The following ANK2 variants were observed in gnomAD, a reference collection of about 807,000 sequenced individuals.
ANK2 encodes the protein ankyrin 2.
ANK2 carries 83 observed loss-of-function variants against 360.5 expected under a neutral mutation model. The ratio of observed to expected loss-of-function variants is 0.23; its 90% CI spans 0.19 to 0.28. The LOEUF is 0.28. Among genes scored for constraint, ANK2 ranks in the 10% least tolerant of loss-of-function variants. ANK2 has a pLI of 1.00. For missense variants in ANK2, 4,201 were observed against 4,795.7 expected (o/e 0.88, Z 3.66); for synonymous variants, 1,740 against 1,759.5 (o/e 0.99, Z 0.28).
At chr4:113,250,752 A>ACCG (rs1554339796) in intron 10 of ANK2, among the ~76,000 whole-genome samples, 2 of 47,314 alleles carry the variant, frequency 4.2e-5, no homozygotes, top group African/African-American at 5.8e-5. Context: ...ACCTCATACC[A>ACCG]CCGCCCCCCC....
rs762658824 is a variant in ANK2, at chr4:113,317,712, G to A, written c.2699G>A (p.Arg900Gln). The change falls in exon 25 of 46, where the codon CGA (arginine) becomes CAA (glutamine). Residue 900 changes from arginine to glutamine, a missense_variant. Physicochemically the swap from Arg to Gln is conservative, Grantham distance 43. Coordinates refer to ENST00000357077, the MANE Select transcript of ANK2 (RefSeq NM_001148.6). The stretch of plus-strand genomic sequence containing the variant: ...GCCTCCTGCCAACCTACCAGCCTTC[G>A]ATCCTTCAGTTCCGACAGGTCTCAC... Reference protein sequence around the residue: ...SLEGGRSDSLRSFSSDRSHTL... With the variant: ...SLEGGRSDSLQSFSSDRSHTL... 6 of 1,613,664 alleles carry A rather than the reference G, an allele frequency of 3.7e-6. No individual in the cohort carries two copies. Among genetic ancestry groups the A allele is most frequent in the South Asian group, 3.3e-5 (3 of 91,066 alleles).
chr4:112,989,862 T>C lies in ANK2; in HGVS notation c.21+85348T>C, dbSNP rs116814160. ...ATATTTTTTGACTTTGGACAGTTCA[T>C]GACGGTATCCTTCCAAGATTAAATT... On this transcript the variant is annotated intron_variant, in intron 2 of 30. Transcript: ENST00000503271. Among the ~76,000 whole-genome samples the C allele has an allele frequency of 8.9e-3, 1,359 of 152,362 alleles. 21 individuals are homozygous for C. Among genetic ancestry groups the C allele is most frequent in the African/African-American group, 0.031 (1,295 of 41,582 alleles).
intron 2 of ANK2, among the ~76,000 whole-genome samples, chr4:112,935,716 C>T (rs2093666158): frequency 6.6e-6 from 1 of 152,002 alleles, no homozygotes; most frequent in Non-Finnish European, 1.5e-5. Flanking sequence ...GTGGCGCACA[C>T]CTGTATTCAC....
intron 1 of ANK2, among the ~76,000 whole-genome samples, chr4:113,105,636 C>A (rs755027061): frequency 4.6e-5 from 7 of 152,126 alleles, no homozygotes; most frequent in Non-Finnish European, 8.8e-5. Flanking sequence ...CATGAAGGTT[C>A]ATTTGTGAAA....
chr4:113,135,978 T>C (rs574305017), intron 1 of ANK2, among the ~76,000 whole-genome samples: 1 of 152,232 alleles, frequency 6.6e-6, no homozygotes, highest in Non-Finnish European at 1.5e-5. Context: ...TATGCATTTG[T>C]CTCTTTTTAT....
rs545778849 is a variant in ANK2, at chr4:113,341,015, C to G, written c.3894-673C>G. Among the ~76,000 whole-genome samples, 12 of 152,276 alleles carry G rather than the reference C, an allele frequency of 7.9e-5. No individual in the cohort carries two copies. In the South Asian group the frequency reaches 2.5e-3, roughly 32 times the overall value. ...TAAAGAGTGTCATAAGATTTAGTAA[C>G]GTTACCATAGTGAACAAAAAATTGC... On this transcript the variant is annotated intron_variant, in intron 32 of 45. Coordinates refer to ENST00000357077, the MANE Select transcript of ANK2 (RefSeq NM_001148.6).
intron 1 of ANK2, among the ~76,000 whole-genome samples, chr4:113,078,679 T>C (rs1427476629): frequency 6.6e-6 from 1 of 152,230 alleles, no homozygotes; most frequent in Non-Finnish European, 1.5e-5. Context: ...TTCACTCATT[T>C]GGGTGGTGAA....
chr4:113,318,489 T>G, intron 25 of ANK2, 28 bp from the exon 26 acceptor site: 1 of 1,556,184 alleles, frequency 6.4e-7, no homozygotes, highest in African/African-American at 1.4e-5. Flanking sequence ...AAAGTGTGTT[T>G]ATTCAATCCA....
chr4:113,098,242 T>G (rs531911627), intron 1 of ANK2, among the ~76,000 whole-genome samples: 1 of 151,518 alleles, frequency 6.6e-6, no homozygotes, highest in African/African-American at 2.4e-5. Flanking sequence ...TTTAAAACAA[T>G]AGAGTAAAAT....
At chr4:112,942,352 C>G (rs2094289171) in intron 2 of ANK2, among the ~76,000 whole-genome samples, 1 of 151,960 alleles carries the variant, frequency 6.6e-6, no homozygotes, top group African/African-American at 2.4e-5. Context: ...AGTCAGTGCT[C>G]AATATTTGTC....
chr4:113,016,183 C>T (rs1372872582), intron 2 of ANK2, among the ~76,000 whole-genome samples: 1 of 152,012 alleles, frequency 6.6e-6, no homozygotes, highest in Non-Finnish European at 1.5e-5. Context: ...AGCCACTGCA[C>T]CTGACCTGTA....
rs541522798 is a variant in ANK2, at chr4:113,066,849, C to T, written c.84+17037C>T. Among the ~76,000 whole-genome samples the T allele has an allele frequency of 5.9e-5, 9 of 152,194 alleles. No individual in the cohort carries two copies. In the South Asian group the frequency reaches 1.9e-3, roughly 32 times the overall value. On this transcript the variant is annotated intron_variant, in intron 1 of 45. Transcript: ENST00000357077. ...ACTGAGCTTCTCTGTGTCTCAGCTG[C>T]CTCATCTGTAAACACTGAGATAATT...
At chr4:113,057,998 A>C (rs1175219587) in intron 1 of ANK2, among the ~76,000 whole-genome samples, 2 of 152,112 alleles carry the variant, frequency 1.3e-5, no homozygotes, top group African/African-American at 4.8e-5. Flanking sequence ...TTGGATTTTC[A>C]GATCCTTGAA....
rs376081457 is a variant in ANK2, at chr4:113,373,385, A to G, written c.11795A>G (p.Glu3932Gly). ...GMPQEPVNIEEGDGYSKVIKR... is the reference protein window; with the variant it reads ...GMPQEPVNIEGGDGYSKVIKR... ...CCACAGGAACCTGTCAACATCGAGG[A>G]AGGGGATGGCTATTCCAAAGTTATA... Residue 3932 changes from glutamate to glycine, a missense_variant, in exon 45 of 46, where the codon GAA becomes GGA. By Grantham distance (98) the Glu-to-Gly change is moderately conservative. Around this residue, in one of 4 missense-constraint regions of ANK2, gnomAD observed 2,642 missense variants for 2,714.5 expected, o/e 0.97. Transcript: ENST00000357077. The G allele has an allele frequency of 3.7e-6, 6 of 1,614,102 alleles. No homozygotes were observed. In the African/African-American group the frequency reaches 8.0e-5, roughly 22 times the overall value.
At chr4:112,871,137 T>C (rs2072856248) in intron 1 of ANK2, among the ~76,000 whole-genome samples, 1 of 152,152 alleles carries the variant, frequency 6.6e-6, no homozygotes, top group African/African-American at 2.4e-5. Flanking sequence ...AGGACTGATA[T>C]TTGTATATTG....
chr4:113,272,587 A>T (rs1369650476), intron 14 of ANK2, among the ~76,000 whole-genome samples: 2 of 152,214 alleles, frequency 1.3e-5, no homozygotes, highest in Admixed American at 6.5e-5. Flanking sequence ...TTTAGCAAAA[A>T]TGGAAAAAAG....
the ANK2 span, among the ~76,000 whole-genome samples, chr4:112,780,373 C>T: frequency 7.2e-5 from 11 of 152,208 alleles, no homozygotes; most frequent in Middle Eastern, 3.4e-3. Context: ...ACCAGTAAGA[C>T]GCTTTTGTTT....
intron 22 of ANK2, among the ~76,000 whole-genome samples, chr4:113,297,975 G>A (rs574428026): frequency 2.5e-4 from 38 of 152,042 alleles, no homozygotes; most frequent in Admixed American, 2.2e-3. Flanking sequence ...TTGTAGAGAC[G>A]GGGTTTTGCC....
chr4:112,793,855 G>A, the ANK2 span, among the ~76,000 whole-genome samples: 1 of 151,926 alleles, frequency 6.6e-6, no homozygotes, highest in African/African-American at 2.4e-5. Context: ...ACAGGCACGT[G>A]CCACCACACT....
Sources: gnomAD v4.1 joint callset for allele counts (sites outside exome capture counted in the v4.1 genomes callset) on GRCh38, gnomAD v4.1.1 for gene constraint, gnomAD v4.1.1 regional missense constraint, MANE v1.5 for transcripts, NCBI Gene and HGNC (gene_info 2026-07-23, HGNC 2026-07-21) for gene names.